PTCSC3: variants seen among roughly 807,000 people sequenced by gnomAD.
PTCSC3 encodes the protein papillary thyroid carcinoma susceptibility candidate 3 (non-protein coding).
Position 36,147,692 on chromosome 14 carries a change from C to G in PTCSC3, n.322+6112G>C, listed in dbSNP as rs1238774890. Among the ~76,000 whole-genome samples the G allele has an allele frequency of 4.6e-5, 7 of 152,096 alleles. No homozygotes were observed. The South Asian group carries it at 1.5e-3, about 32-fold the overall frequency. ...AAGTCATTCTCCGTCCAGCTTTGTTCCTTTGCTGGTGAGGAACTGCGTTCC... is the reference window on the plus strand; with the variant it reads ...AAGTCATTCTCCGTCCAGCTTTGTTGCTTTGCTGGTGAGGAACTGCGTTCC... On this transcript the variant is annotated intron_variant and non_coding_transcript_variant, in intron 3 of 3. Coordinates refer to ENST00000556013, the Ensembl canonical transcript of PTCSC3.
downstream of PTCSC3, among the ~76,000 whole-genome samples, chr14:36,135,377 A>C (rs1336611956): frequency 6.6e-6 from 1 of 152,190 alleles, no homozygotes; most frequent in Non-Finnish European, 1.5e-5. Flanking sequence ...AAGAAGTTGA[A>C]GTCAAGTATG....
At chr14:36,149,673 T>C (rs527842028) in intron 3 of PTCSC3, among the ~76,000 whole-genome samples, 3 of 152,332 alleles carry the variant, frequency 2.0e-5, no homozygotes, top group African/African-American at 7.2e-5. Context: ...TTATTATGTC[T>C]TTTTGGAGAA....
chr14:36,159,103 C>A (rs1725330531), intron 2 of PTCSC3, among the ~76,000 whole-genome samples: 1 of 151,652 alleles, frequency 6.6e-6, no homozygotes, highest in Admixed American at 6.6e-5. Flanking sequence ...GGGGAAATCC[C>A]CTTTATCTTT....
intron 1 of PTCSC3, among the ~76,000 whole-genome samples, chr14:36,169,344 G>A (rs761095176): frequency 7.2e-5 from 11 of 152,090 alleles, no homozygotes; most frequent in Non-Finnish European, 1.0e-4. Context: ...TTATGAATAC[G>A]CATTACCATT....
chr14:36,155,695 CT>C (rs1328265068), intron 2 of PTCSC3, among the ~76,000 whole-genome samples: 4 of 151,904 alleles, frequency 2.6e-5, no homozygotes, highest in African/African-American at 9.7e-5. Context: ...TCTCTGTGTC[CT>C]GTACAATTTC....
chr14:36,174,263 T>C (rs1233384741), intron 1 of PTCSC3, among the ~76,000 whole-genome samples: 1 of 152,142 alleles, frequency 6.6e-6, no homozygotes, highest in East Asian at 1.9e-4. Context: ...TGCTTATTTT[T>C]CTTCTCTCTA....
At chr14:36,172,530 G>A (rs78829172) in intron 1 of PTCSC3, among the ~76,000 whole-genome samples, 3,075 of 152,216 alleles carry the variant, frequency 0.02, 105 homozygotes, top group Admixed American at 0.083. Context: ...AATATCTGAA[G>A]AGGTTTCTTA....
At chr14:36,142,343 C>A (rs1223044102) in intron 3 of PTCSC3, among the ~76,000 whole-genome samples, 1 of 152,164 alleles carries the variant, frequency 6.6e-6, no homozygotes, top group Non-Finnish European at 1.5e-5. Context: ...ATCAGCCTTG[C>A]ATACCTGCCG....
intron 3 of PTCSC3, among the ~76,000 whole-genome samples, chr14:36,139,172 C>CA (rs1881363000): frequency 6.9e-6 from 1 of 144,226 alleles, no homozygotes; most frequent in Non-Finnish European, 1.5e-5. Flanking sequence ...AAAGACTGCA[C>CA]ATGGATGAAC....
chr14:36,171,112 G>A lies in PTCSC3; in HGVS notation n.171+5186C>T, dbSNP rs947815704. Among the ~76,000 whole-genome samples the A allele has an allele frequency of 2.6e-5, 4 of 152,174 alleles. No homozygotes were observed. In the East Asian group the frequency reaches 5.8e-4, roughly 22 times the overall value. ...TTTCTGTGGAAATATAGATTTTTGA[G>A]TTCTAAACAATAGCCTGATAAATGA... On this transcript the variant is annotated intron_variant and non_coding_transcript_variant, in intron 1 of 3. Coordinates refer to ENST00000556013, the Ensembl canonical transcript of PTCSC3.
intron 3 of PTCSC3, among the ~76,000 whole-genome samples, chr14:36,152,789 G>T (rs1364381616): frequency 1.3e-5 from 2 of 151,920 alleles, no homozygotes; most frequent in South Asian, 4.2e-4. Context: ...AGCTACTTGG[G>T]AGGCTGAGGC....
chr14:36,149,378 A>G (rs1043862668), intron 3 of PTCSC3, among the ~76,000 whole-genome samples: 2 of 152,112 alleles, frequency 1.3e-5, no homozygotes, highest in African/African-American at 4.8e-5. Flanking sequence ...AAATTATTAC[A>G]GATGTTTTTA....
At chr14:36,160,174 T>G (rs1225521169) in intron 2 of PTCSC3, among the ~76,000 whole-genome samples, 1 of 152,202 alleles carries the variant, frequency 6.6e-6, no homozygotes, top group Non-Finnish European at 1.5e-5. Context: ...TCTTGACTCT[T>G]TATCCAATTT....
At chr14:36,164,647 T>A (rs994230849) in intron 1 of PTCSC3, among the ~76,000 whole-genome samples, 2 of 152,202 alleles carry the variant, frequency 1.3e-5, no homozygotes, top group African/African-American at 4.8e-5. Context: ...TCAGTTTTCA[T>A]ACATAGACAG....
intron 3 of PTCSC3, among the ~76,000 whole-genome samples, chr14:36,136,892 C>A (rs1881300367): frequency 6.6e-6 from 1 of 152,112 alleles, no homozygotes; most frequent in Non-Finnish European, 1.5e-5. Context: ...CATTTGACAA[C>A]AAATACTTAA....
Sources: gnomAD v4.1 joint callset for allele counts (sites outside exome capture counted in the v4.1 genomes callset) on GRCh38, gnomAD v4.1.1 for gene constraint, MANE v1.5 for transcripts, NCBI Gene and HGNC (gene_info 2026-07-23, HGNC 2026-07-21) for gene names.